The following TASOR variants were observed in gnomAD, a reference collection of about 807,000 sequenced individuals.
TASOR encodes transcription activation suppressor.
TASOR carries 53 observed loss-of-function variants against 178.6 expected under a neutral mutation model. The observed-to-expected ratio is 0.30, with a 90% CI of 0.24 to 0.37. The LOEUF (loss-of-function observed/expected upper bound fraction) is 0.37. Among genes scored for constraint, TASOR ranks in the 10% least tolerant of loss-of-function variants. The probability of loss-of-function intolerance (pLI) is 1.00; values close to 1 mark genes in which losing one functional copy is unlikely to be tolerated. For missense variants in TASOR, 1,815 were observed against 1,971.4 expected (o/e 0.92, Z 1.50); for synonymous variants, 713 against 696.2 (o/e 1.02, Z -0.38).
At chr3:56,631,885 CTG>C (rs773107364) in intron 18 of TASOR, among the ~76,000 whole-genome samples, 1 of 152,114 alleles carries the variant, frequency 6.6e-6, no homozygotes, top group African/African-American at 2.4e-5. Context: ...GCCCAGCCAT[CTG>C]TGTGTGTGTT....
chr3:56,626,924 A>G (rs571506124), intron 21 of TASOR, 113 bp downstream of exon 21: 42 of 635,742 alleles, frequency 6.6e-5, no homozygotes, highest in Admixed American at 3.5e-4. Flanking sequence ...ATGGCTGGCT[A>G]TGGACATCTG....
rs2077250114 is a variant in TASOR at position 56,646,992 on chromosome 3, A to G, written c.1745T>C (p.Leu582Ser). The change falls in exon 14 of 24, where the codon TTA becomes TCA. Residue 582 changes from leucine to serine, a missense_variant. By Grantham distance (145) the Leu-to-Ser change is moderately radical (BLOSUM62 -2). Around this residue, in one of 5 missense-constraint regions of TASOR, gnomAD observed 504 missense variants for 645.3 expected, o/e 0.78. Transcript: ENST00000683822. Reference sequence around the variant, plus strand: ...TGAGTATAAGAATTTTTTATCATCTAATCGTGAATCATATGGAAACATAAT... The same window carrying G: ...TGAGTATAAGAATTTTTTATCATCTGATCGTGAATCATATGGAAACATAAT... ...EFIMFPYDSRLDDKKFLYSAP... is the reference protein window; with the variant it reads ...EFIMFPYDSRSDDKKFLYSAP... 6.2e-7 allele frequency: 1 copy of G among 1,603,286 alleles called. No homozygotes were observed. Among genetic ancestry groups the G allele is most frequent in the Non-Finnish European group, 8.5e-7 (1 of 1,177,548 alleles).
At position 56,666,333 on chromosome 3, in the gene TASOR, C is replaced by T; in HGVS notation, c.949G>A (p.Val317Ile). The T allele has an allele frequency of 1.3e-6, 2 of 1,545,676 alleles. No individual in the cohort carries two copies. The highest frequency in any genetic ancestry group is 2.5e-5 in the East Asian group (1 of 40,732). Residue 317 changes from valine to isoleucine, a missense_variant, in exon 7 of 24, where the codon GTT becomes ATT. This residue lies in a region of TASOR where 504 missense variants were observed against 645.3 expected (regional missense o/e 0.78). Transcript: ENST00000683822. ...FDELRRRPRH[V>I]CPYAVVSFTY... ...AAAGACACAACTGCATATGGACAAA[C>T]GTGTCTTGGTCTTCGCCTTAGCTCA...
chr3:56,633,329 C>T lies in TASOR; in HGVS notation c.3462G>A (p.Ser1154=). The T allele has an allele frequency of 1.9e-6, 3 of 1,614,080 alleles. No individual in the cohort carries two copies. Among genetic ancestry groups the T allele is most frequent in the Non-Finnish European group, 2.5e-6 (3 of 1,180,012 alleles). Residue 1154 remains serine (S), a synonymous_variant, in exon 18 of 24, where the codon TCG becomes TCA. Transcript: ENST00000683822. ...DTNSDEQHST[S]ALTEVEMNQP... is the part of the protein sequence containing the mutation. ...GGTTCATTTCTACTTCAGTTAAAGC[C>T]GAAGTGGAATGCTGCTCATCAGAGT...
intron 3 of TASOR, chr3:56,671,391 G>C (rs1027798419): frequency 2.1e-6 from 1 of 465,644 alleles, no homozygotes; most frequent in East Asian, 3.4e-5. Flanking sequence ...CACATTCTAG[G>C]GGAAGAAAAT....
chr3:56,672,265 TTA>T (rs2030808907), intron 2 of TASOR, among the ~76,000 whole-genome samples: 1 of 152,196 alleles, frequency 6.6e-6, no homozygotes, highest in Non-Finnish European at 1.5e-5. Flanking sequence ...AGCTAACATT[TTA>T]TATTCAGGCT....
chr3:56,643,442 C>T (rs2077169221), intron 14 of TASOR, among the ~76,000 whole-genome samples: 1 of 151,608 alleles, frequency 6.6e-6, no homozygotes, highest in African/African-American at 2.4e-5. Flanking sequence ...CTGGGCTCAC[C>T]ACCAAATCAA....
Position 56,627,593 on chromosome 3 carries a change from A to G in TASOR, c.4019T>C (p.Val1340Ala), listed in dbSNP as rs1210788011. 1.9e-6 allele frequency: 3 copies of G among 1,613,900 alleles called. No homozygotes were observed. The highest frequency in any genetic ancestry group is 1.3e-5 in the African/African-American group (1 of 74,932). The change falls in exon 20 of 24, where the codon GTT becomes GCT. Residue 1340 changes from valine to alanine, a missense_variant. By Grantham distance (64) the Val-to-Ala change is moderately conservative (BLOSUM62 0). This residue lies in a region of TASOR where 134 missense variants were observed against 195.2 expected (regional missense o/e 0.69). Transcript: ENST00000683822. The part of the protein sequence containing the change: ...VSDESILNPE[V>A]VTVENLKNFL... ...GAACATCATCTTACCAACTGTGACA[A>G]CCTCTGGGTTTAGAATTGATTCATC...
intron 17 of TASOR, among the ~76,000 whole-genome samples, chr3:56,636,286 A>AG (rs2107551557): frequency 7.0e-6 from 1 of 143,082 alleles, no homozygotes; most frequent in East Asian, 2.3e-4. Context: ...TGTTGCAAAA[A>AG]AAAATAGAAA....
chr3:56,679,720 T>G (rs1195491140), intron 1 of TASOR, among the ~76,000 whole-genome samples: 1 of 152,138 alleles, frequency 6.6e-6, no homozygotes, highest in Non-Finnish European at 1.5e-5. Context: ...CCCAAGAACT[T>G]TGGAGGGAAA....
Position 56,621,605 on chromosome 3 carries a change from G to T in TASOR, c.*1432C>A. The T allele has an allele frequency of 6.3e-7, 1 of 1,594,772 alleles. No individual in the cohort carries two copies. The highest frequency in any genetic ancestry group is 8.5e-7 in the Non-Finnish European group (1 of 1,170,746). On this transcript the variant is annotated 3_prime_UTR_variant, in exon 24 of 24. Transcript: ENST00000683822. ...GCTGAAAATCAAGAAGAGAGTTTTG[G>T]TTCTTCATTTTAAATGTAGAAAATC...
chr3:56,681,536 A>G (rs2031781121), intron 1 of TASOR, among the ~76,000 whole-genome samples: 1 of 152,234 alleles, frequency 6.6e-6, no homozygotes, highest in African/African-American at 2.4e-5. Flanking sequence ...AAACAATTCC[A>G]GTAGTGCAAA....
chr3:56,633,457 C>T lies in TASOR; in HGVS notation c.3334G>A (p.Ala1112Thr). 1.9e-6 allele frequency: 3 copies of T among 1,614,084 alleles called. No individual in the cohort carries two copies. The highest frequency in any genetic ancestry group is 2.5e-6 in the Non-Finnish European group (3 of 1,179,996). Residue 1112 changes from alanine (A) to threonine (T), a missense_variant, in exon 18 of 24, where the codon GCA becomes ACA. By Grantham distance (58) the Ala-to-Thr change is moderately conservative. Around this residue, in one of 5 missense-constraint regions of TASOR, gnomAD observed 655 missense variants for 671.1 expected, o/e 0.98. Coordinates refer to ENST00000683822, the MANE Select transcript of TASOR (RefSeq NM_001365635.2). ...VSPNDSGAKI[A>T]SNPLERHVIP... ...ACATGCCTTTCCAGAGGATTCGATG[C>T]TATCTTAGCACCAGAATCGTTAGGA... is the stretch of plus-strand genomic sequence containing the variant.
Position 56,682,775 on chromosome 3 carries a change from A to G in TASOR, c.232T>C (p.Ser78Pro). 1 of 1,549,654 alleles carries G rather than the reference A, an allele frequency of 6.5e-7. No homozygotes were observed. The highest frequency in any genetic ancestry group is 1.2e-5 in the South Asian group (1 of 83,938). ...SLSHEQPQDS[S>P]EAGAAALPRG... ...GGCAGGGCGGCCGCGCCCGCCTCAG[A>G]GGAGTCCTGAGGCTGCTCGTGGCTG... Residue 78 changes from serine (S) to proline (P), a missense_variant, in exon 1 of 24, where the codon TCT becomes CCT. This residue lies in a region of TASOR where 244 missense variants were observed against 202.7 expected (regional missense o/e 1.20). Transcript: ENST00000683822.
In TASOR at chr3:56,666,266, G is replaced by T; in HGVS notation, c.1016C>A (p.Ser339Ter). The T allele has an allele frequency of 6.5e-7, 1 of 1,538,526 alleles. No individual in the cohort carries two copies. Among genetic ancestry groups the T allele is most frequent in the South Asian group, 1.2e-5 (1 of 80,048 alleles). ...DDIQTPKFVP[S>*]SRSNSFNTDR... ...TAAAACTCCTAAGTCTTACCTTGAT[G>T]AAGGTACAAACTTCGGAGTTTGTAT... is the stretch of plus-strand genomic sequence containing the variant. Residue 339 changes from serine (S) to a stop codon, truncating the protein, a stop_gained, in exon 7 of 24, where the codon TCA (serine) becomes TAA (stop). Transcript: ENST00000683822. LOFTEE classifies it high-confidence loss of function.
intron 8 of TASOR, among the ~76,000 whole-genome samples, chr3:56,663,154 G>C (rs7633478): frequency 1.3e-5 from 2 of 151,860 alleles, no homozygotes; most frequent in African/African-American, 4.8e-5. Flanking sequence ...CTGCACCCCA[G>C]CCTGGGCGAG....
At position 56,630,840 on chromosome 3, in the gene TASOR, C is replaced by T. The variant is rs949305901; in HGVS notation, c.3747+2204G>A. 6.9e-5 allele frequency among the ~76,000 whole-genome samples: 10 copies of T among 144,048 alleles called. 1 individual carries two copies. The highest frequency in any genetic ancestry group is 1.5e-4 in the Admixed American group (2 of 13,012). 94.5% of individuals were successfully genotyped at this position (144,048 alleles called of 152,430 possible). A position where few individuals can be genotyped will look rare whatever the true frequency, so the allele number is the denominator to read the frequency against. ...ACCCTGGGCAACAAGAGCAAAACTC[C>T]GTCTCAATAAATAAATAAATTTTTT... On this transcript the variant is annotated intron_variant, in intron 18 of 23. Transcript: ENST00000683822.
chr3:56,630,615 G>A (rs1465808359), intron 18 of TASOR, among the ~76,000 whole-genome samples: 2 of 152,106 alleles, frequency 1.3e-5, no homozygotes, highest in Non-Finnish European at 2.9e-5. Flanking sequence ...AGGCCAAGGC[G>A]GGCACATCAC....
At chr3:56,673,216 G>A (rs1262095536) in intron 2 of TASOR, among the ~76,000 whole-genome samples, 1 of 152,116 alleles carries the variant, frequency 6.6e-6, no homozygotes, top group Non-Finnish European at 1.5e-5. Flanking sequence ...TAACACAGCA[G>A]ATAAATGTAA....
Sources: gnomAD v4.1 joint callset for allele counts (sites outside exome capture counted in the v4.1 genomes callset) on GRCh38, gnomAD v4.1.1 for gene constraint, gnomAD v4.1.1 regional missense constraint, MANE v1.5 for transcripts, NCBI Gene and HGNC (gene_info 2026-07-23, HGNC 2026-07-21) for gene names.